Variants in TBCE observed in about 807,000 individuals in gnomAD.
TBCE encodes the protein tubulin folding cofactor E, also known as tubulin-specific chaperone E.
TBCE carries 53 observed loss-of-function variants against 77.0 expected under a neutral mutation model. The observed-to-expected ratio is 0.69, with a 90% CI of 0.55 to 0.87. TBCE has a LOEUF of 0.87. Ranked by LOEUF, TBCE falls within the 40% of genes least tolerant of loss-of-function variation. The pLI is 0.00. For synonymous variants in TBCE, 235 were observed against 241.3 expected, an observed-to-expected ratio of 0.97 and a Z score of 0.24; for missense variants, 624 against 622.4, an observed-to-expected ratio of 1.00 and a Z score of -0.03.
At chr1:235,436,353 C>CTG in intron 9 of TBCE, 33 bp from the exon 10 acceptor site, 2 of 1,597,878 alleles carry the variant, frequency 1.3e-6, no homozygotes, top group Non-Finnish European at 1.7e-6. Context: ...TTACATTGTT[C>CTG]TGTGTAATCA....
At chr1:235,444,033 T>C (rs188011874) in intron 15 of TBCE, among the ~76,000 whole-genome samples, 3 of 152,320 alleles carry the variant, frequency 2.0e-5, no homozygotes, top group African/African-American at 7.2e-5. Context: ...ATAAATGAAA[T>C]ACACATCAGC....
intron 3 of TBCE, 133 bp from the exon 4 acceptor site, chr1:235,414,300 T>G (rs1679985434): frequency 1.3e-6 from 1 of 756,162 alleles, no homozygotes; most frequent in South Asian, 1.5e-5. Context: ...ATTATTTTAG[T>G]ATGTGATATT....
chr1:235,435,975 G>C (rs1681421248), intron 9 of TBCE, 135 bp downstream of exon 9: 1 of 844,612 alleles, frequency 1.2e-6, no homozygotes, highest in South Asian at 1.5e-5. Flanking sequence ...AATTCCCTTT[G>C]GGAAATTTTC....
Position 235,443,079 on chromosome 1 carries a change from T to C in TBCE, c.1399+168T>C, listed in dbSNP as rs1682004771. The C allele has an allele frequency of 7.2e-6, 5 of 697,798 alleles. No homozygotes were observed. In the East Asian group the frequency reaches 1.1e-4, roughly 16 times the overall value. The allele number at this position is 697,798 out of a possible 1,614,324, so 43.2% of individuals were successfully genotyped here. On this transcript the variant is annotated intron_variant, in intron 15 of 16. Coordinates refer to ENST00000642610, the MANE Select transcript of TBCE (RefSeq NM_003193.5). ...ATACAATCAATCATGCTAATATCAC[T>C]CCCCCATGCCCCCAAAAGTTCAGGT...
chr1:235,436,966 A>C (rs1227714346), intron 11 of TBCE, among the ~76,000 whole-genome samples: 2 of 151,946 alleles, frequency 1.3e-5, no homozygotes, highest in South Asian at 4.2e-4. Context: ...TAAAAAAAAA[A>C]AAAAATCGCA....
chr1:235,376,979 A>G (rs1239370462), intron 1 of TBCE, among the ~76,000 whole-genome samples: 1 of 151,870 alleles, frequency 6.6e-6, no homozygotes, highest in African/African-American at 2.4e-5. Context: ...AAAAAAAAAA[A>G]TCATCTAAAC....
At chr1:235,422,891 A>G (rs1244034616) in intron 5 of TBCE, among the ~76,000 whole-genome samples, 1 of 152,238 alleles carries the variant, frequency 6.6e-6, no homozygotes, top group Non-Finnish European at 1.5e-5. Flanking sequence ...GGTTGCTCAG[A>G]GCTGTCAGCA....
At chr1:235,373,634 A>T (rs201052063) in intron 1 of TBCE, among the ~76,000 whole-genome samples, 2 of 40,482 alleles carry the variant, frequency 4.9e-5, no homozygotes, top group Non-Finnish European at 1.2e-4. Context: ...ATTTTTATTT[A>T]TTTTTATTTT....
chr1:235,430,137 C>T (rs1293129657), intron 6 of TBCE: 1 of 155,238 alleles, frequency 6.4e-6, no homozygotes, highest in East Asian at 1.9e-4. Flanking sequence ...CAATTCAACC[C>T]ATGGTGTCTC....
intron 3 of TBCE, among the ~76,000 whole-genome samples, chr1:235,408,190 G>C (rs1679567392): frequency 6.6e-6 from 1 of 152,196 alleles, no homozygotes; most frequent in South Asian, 2.1e-4. Context: ...GTGTTTGAAA[G>C]AAAGGATAAA....
At chr1:235,373,898 C>T (rs1677134585) in intron 1 of TBCE, among the ~76,000 whole-genome samples, 1 of 146,042 alleles carries the variant, frequency 6.8e-6, no homozygotes, top group South Asian at 2.1e-4. Context: ...ATCCTCCCGC[C>T]TCGGCCTCCC....
rs561514517 is a variant in TBCE at position 235,404,917 on chromosome 1, C to T, written c.185+3330C>T. 2.6e-5 allele frequency among the ~76,000 whole-genome samples: 4 copies of T among 151,474 alleles called. No individual in the cohort carries two copies. In the South Asian group the frequency reaches 8.4e-4, roughly 32 times the overall value. On this transcript the variant is annotated intron_variant, in intron 3 of 16. Transcript: ENST00000642610. The stretch of plus-strand genomic sequence containing the variant: ...CCTCGTGATCAACCCTCCTCAGCCT[C>T]CCAAAGTGCTGGGATTATAGGCGTG...
chr1:235,369,140 A>G (rs943272917), intron 1 of TBCE, among the ~76,000 whole-genome samples: 10 of 151,718 alleles, frequency 6.6e-5, no homozygotes, highest in African/African-American at 2.4e-4. Context: ...ATCTCGGTTG[A>G]TCCTTTAAAA....
At chr1:235,388,150 C>T (rs1040741258) in intron 2 of TBCE, among the ~76,000 whole-genome samples, 2 of 152,114 alleles carry the variant, frequency 1.3e-5, no homozygotes, top group African/African-American at 4.8e-5. Flanking sequence ...CAATAACAAC[C>T]TTAAAATATA....
At chr1:235,439,546 G>A (rs1681697447) in intron 13 of TBCE, among the ~76,000 whole-genome samples, 2 of 150,716 alleles carry the variant, frequency 1.3e-5, no homozygotes, top group Admixed American at 6.6e-5. Flanking sequence ...GGCCCAGGCT[G>A]GAGTGATCTC....
intron 3 of TBCE, among the ~76,000 whole-genome samples, chr1:235,413,026 C>T (rs1679902310): frequency 6.6e-6 from 1 of 152,158 alleles, no homozygotes; most frequent in Non-Finnish European, 1.5e-5. Flanking sequence ...TGATCTCGAA[C>T]TCCTGACCTT....
At chr1:235,419,232 T>C in intron 4 of TBCE, 1 of 604,996 alleles carries the variant, frequency 1.7e-6, no homozygotes, top group Non-Finnish European at 2.9e-6. Context: ...AGTTTACCTC[T>C]GGGAGTAGAG....
chr1:235,426,073 T>G (rs1448293693), intron 5 of TBCE, among the ~76,000 whole-genome samples: 2 of 152,184 alleles, frequency 1.3e-5, no homozygotes, highest in Admixed American at 1.3e-4. Context: ...ACGAGTGCAT[T>G]GAATAATTTC....
chr1:235,381,783 T>C (rs1406643282), intron 2 of TBCE, among the ~76,000 whole-genome samples: 1 of 151,414 alleles, frequency 6.6e-6, no homozygotes. Flanking sequence ...ATTTTTCTTT[T>C]TTTTCTTTTT....
Sources: allele counts gnomAD v4.1 joint callset (sites outside exome capture counted in the v4.1 genomes callset), GRCh38; gene constraint gnomAD v4.1.1; transcripts MANE v1.5; gene names NCBI Gene and HGNC (gene_info 2026-07-23, HGNC 2026-07-21).